Variants in PRELID2 observed in about 807,000 individuals in gnomAD.
PRELID2 encodes PRELI domain-containing protein 2.
A neutral mutation model predicts 28.4 loss-of-function variants in PRELID2; 25 were observed. The observed-to-expected ratio is 0.88, with a 90% CI of 0.64 to 1.23. PRELID2 has a LOEUF of 1.23. Ranked by LOEUF, PRELID2 falls within the 50% of genes most tolerant of loss-of-function variation. PRELID2 has a pLI of 0.00. For missense variants in PRELID2, 201 were observed against 214.4 expected (o/e 0.94, Z 0.39); for synonymous variants, 76 against 71.6 (o/e 1.06, Z -0.31).
At chr5:145,583,258 C>T (rs1326452900) in intron 1 of PRELID2, among the ~76,000 whole-genome samples, 1 of 151,976 alleles carries the variant, frequency 6.6e-6, no homozygotes, top group Non-Finnish European at 1.5e-5. Flanking sequence ...ATGTTAAAAG[C>T]TCTCAATAAA....
At chr5:145,259,834 A>G in the PRELID2 span, among the ~76,000 whole-genome samples, 1 of 152,188 alleles carries the variant, frequency 6.6e-6, no homozygotes, top group African/African-American at 2.4e-5. Context: ...TGAGAAGAAC[A>G]TGAGATTTGG....
At chr5:145,789,615 A>C (rs1752233509) in intron 5 of PRELID2, among the ~76,000 whole-genome samples, 1 of 152,202 alleles carries the variant, frequency 6.6e-6, no homozygotes, top group Non-Finnish European at 1.5e-5. Flanking sequence ...TGGCCTCAAA[A>C]GCACAGGGAA....
At chr5:145,739,225 G>T (rs966110225) in intron 1 of PRELID2, among the ~76,000 whole-genome samples, 2 of 152,172 alleles carry the variant, frequency 1.3e-5, no homozygotes, top group Admixed American at 6.5e-5. Flanking sequence ...TTTGAGAGGG[G>T]CTGGGTGCGG....
chr5:145,503,568 G>A (rs1354440086), intron 1 of PRELID2, among the ~76,000 whole-genome samples: 1 of 152,068 alleles, frequency 6.6e-6, no homozygotes, highest in Non-Finnish European at 1.5e-5. Flanking sequence ...TTTTACAGAT[G>A]AGAAAACTAA....
intron 1 of PRELID2, among the ~76,000 whole-genome samples, chr5:145,583,184 C>T (rs1753123221): frequency 6.6e-6 from 1 of 152,096 alleles, no homozygotes; most frequent in Non-Finnish European, 1.5e-5. Flanking sequence ...GAACTAAAGA[C>T]AAAAACCACA....
intron 1 of PRELID2, among the ~76,000 whole-genome samples, chr5:145,530,920 G>C (rs1306901166): frequency 6.6e-6 from 1 of 151,948 alleles, no homozygotes; most frequent in African/African-American, 2.4e-5. Context: ...GAAGAGGAGA[G>C]AGCAAATATG....
At chr5:145,465,283 G>A in the PRELID2 span, among the ~76,000 whole-genome samples, 1 of 152,230 alleles carries the variant, frequency 6.6e-6, no homozygotes, top group Non-Finnish European at 1.5e-5. Context: ...GATTTAGTTA[G>A]TCCAGACTAG....
intron 1 of PRELID2, among the ~76,000 whole-genome samples, chr5:145,676,240 A>AAAT (rs1561540888): frequency 4.1e-5 from 6 of 147,782 alleles, no homozygotes; most frequent in Admixed American, 1.3e-4. Context: ...AAAAAAAAAA[A>AAAT]AATAATGTGT....
chr5:145,568,134 T>G (rs751594100), intron 1 of PRELID2, among the ~76,000 whole-genome samples: 9 of 152,196 alleles, frequency 5.9e-5, no homozygotes, highest in Non-Finnish European at 1.2e-4. Context: ...GAAAAGTGTT[T>G]AGCCATGCAT....
At chr5:145,260,828 G>A in the PRELID2 span, among the ~76,000 whole-genome samples, 1 of 152,196 alleles carries the variant, frequency 6.6e-6, no homozygotes, top group Non-Finnish European at 1.5e-5. Flanking sequence ...CTCTTTGAAG[G>A]AGGTGGATTG....
chr5:145,574,822 A>C (rs1367947856), intron 1 of PRELID2, among the ~76,000 whole-genome samples: 1 of 152,212 alleles, frequency 6.6e-6, no homozygotes, highest in East Asian at 1.9e-4. Flanking sequence ...TAGATCACTT[A>C]TAACACATAA....
intron 1 of PRELID2, among the ~76,000 whole-genome samples, chr5:145,713,362 A>AG (rs1755749025): frequency 1.4e-4 from 20 of 142,070 alleles, no homozygotes; most frequent in African/African-American, 2.4e-4. Context: ...ATATATATAT[A>AG]TATATATACT....
At chr5:145,418,937 A>T in the PRELID2 span, among the ~76,000 whole-genome samples, 2 of 147,842 alleles carry the variant, frequency 1.4e-5, no homozygotes, top group Non-Finnish European at 3.0e-5. Context: ...TGTCCATGTA[A>T]TCTCATTGTT....
chr5:145,657,930 G>C (rs1754424045), intron 1 of PRELID2, among the ~76,000 whole-genome samples: 1 of 152,126 alleles, frequency 6.6e-6, no homozygotes. Flanking sequence ...CTCAATAGTA[G>C]AGGTATCATT....
chr5:145,720,920 A>G lies in PRELID2; in HGVS notation n.70+44011T>C, dbSNP rs117952432. ...TCTAAGCTTTTTGAGGACCTCAGAA[A>G]GTTTTTGTTTATGTGAGTTATATCT... On this transcript the variant is annotated intron_variant and non_coding_transcript_variant, in intron 1 of 2. Coordinates refer to the PRELID2 transcript ENST00000510259. Among the ~76,000 whole-genome samples the G allele has an allele frequency of 8.9e-3, 1,352 of 152,168 alleles. 42 individuals are homozygous for G. The highest frequency in any genetic ancestry group is 0.075 in the East Asian group (387 of 5,190).
the PRELID2 span, among the ~76,000 whole-genome samples, chr5:145,314,646 G>A: frequency 1.3e-5 from 2 of 151,606 alleles, no homozygotes; most frequent in African/African-American, 2.4e-5. Context: ...TGCCATGTAT[G>A]TTCAATAATT....
the PRELID2 span, among the ~76,000 whole-genome samples, chr5:145,326,470 G>T: frequency 6.6e-6 from 1 of 152,234 alleles, no homozygotes; most frequent in South Asian, 2.1e-4. Context: ...AACAAAGTTG[G>T]ATAATTATAC....
At chr5:145,624,883 A>G (rs908454880) in intron 1 of PRELID2, among the ~76,000 whole-genome samples, 1 of 152,188 alleles carries the variant, frequency 6.6e-6, no homozygotes, top group African/African-American at 2.4e-5. Flanking sequence ...CTATAAATCA[A>G]TGATAAAAAA....
At chr5:145,438,825 C>T in the PRELID2 span, among the ~76,000 whole-genome samples, 23 of 152,110 alleles carry the variant, frequency 1.5e-4, no homozygotes, top group Non-Finnish European at 2.9e-4. Flanking sequence ...GTTCTTTGTG[C>T]ACCTTCTGCC....
Sources: allele counts gnomAD v4.1 joint callset (sites outside exome capture counted in the v4.1 genomes callset), GRCh38; gene constraint gnomAD v4.1.1; transcripts MANE v1.5; gene names NCBI Gene and HGNC (gene_info 2026-07-23, HGNC 2026-07-21).